Variants in ST6GALNAC1 observed in about 807,000 individuals in gnomAD.
ST6GALNAC1 encodes ST6 N-acetylgalactosaminide alpha-2,6-sialyltransferase 1.
Under a neutral mutation model 56.8 loss-of-function variants are expected in ST6GALNAC1, and 45 were observed. The ratio of observed to expected loss-of-function variants is 0.79; its 90% CI spans 0.62 to 1.02. The LOEUF (loss-of-function observed/expected upper bound fraction) is 1.02, where lower values mean the gene tolerates loss of function less well. Ranked by LOEUF, ST6GALNAC1 falls within the 50% of genes least tolerant of loss-of-function variation. The pLI is 0.00. For missense variants in ST6GALNAC1, 743 were observed against 754.8 expected (o/e 0.98, Z 0.18); for synonymous variants, 295 against 297.8 (o/e 0.99, Z 0.10).
At chr17:76,637,119 A>T (rs1427932330) in intron 1 of ST6GALNAC1, among the ~76,000 whole-genome samples, 1 of 152,012 alleles carries the variant, frequency 6.6e-6, no homozygotes, top group Non-Finnish European at 1.5e-5. Context: ...GTTCCCAGGG[A>T]CACAAACACT....
downstream of ST6GALNAC1, among the ~76,000 whole-genome samples, chr17:76,623,578 G>A (rs961576341): frequency 6.6e-6 from 1 of 151,942 alleles, no homozygotes; most frequent in African/African-American, 2.4e-5. Flanking sequence ...CTTGTAAATG[G>A]GTTTTCTCTA....
At chr17:76,642,240 C>A (rs1373929402) in intron 1 of ST6GALNAC1, among the ~76,000 whole-genome samples, 1 of 151,866 alleles carries the variant, frequency 6.6e-6, no homozygotes, top group East Asian at 1.9e-4. Context: ...ATCTATCTAT[C>A]TATCATCTAT....
rs140643510 is a variant in ST6GALNAC1 at position 76,627,350 on chromosome 17, G to GCTGCCTT, written c.1000+64_1000+65insAAGGCAG. Reference sequence around the variant, plus strand: ...AGGGAAGAGGCAGACCAGAAAGCCAGCTGCCCTCTGCCCTCTGCCCCGGCC... The same window carrying GCTGCCTT: ...AGGGAAGAGGCAGACCAGAAAGCCAGCTGCCTTCTGCCCTCTGCCCTCTGCCCCGGCC... On this transcript the variant is annotated intron_variant, in intron 3 of 8. Coordinates refer to ENST00000156626, the MANE Select transcript of ST6GALNAC1 (RefSeq NM_018414.5). The surrounding 1 kb of genome is among the most constrained non-coding windows in gnomAD (Gnocchi z 4.4). 0.067 allele frequency: 106,501 copies of GCTGCCTT among 1,589,854 alleles called. 4,046 individuals are homozygous for GCTGCCTT. Among genetic ancestry groups the GCTGCCTT allele is most frequent in the African/African-American group, 0.1 (7,444 of 74,278 alleles).
At chr17:76,625,573 C>T (rs762082331) in intron 8 of ST6GALNAC1, 46 bp from the exon 9 acceptor site, 10 of 1,598,994 alleles carry the variant, frequency 6.3e-6, no homozygotes, top group Middle Eastern at 2.1e-4. Context: ...TTGCTGTTGC[C>T]CAGGCTTCTT....
intron 1 of ST6GALNAC1, among the ~76,000 whole-genome samples, chr17:76,634,417 G>T (rs1217238613): frequency 1.3e-5 from 2 of 152,102 alleles, no homozygotes; most frequent in African/African-American, 4.8e-5. Context: ...ACCTTGAACT[G>T]CTCCTGCCTC....
intron 1 of ST6GALNAC1, among the ~76,000 whole-genome samples, chr17:76,632,942 A>G (rs955894076): frequency 2.0e-5 from 3 of 152,232 alleles, no homozygotes; most frequent in Admixed American, 2.0e-4. Flanking sequence ...GAGGTGGCTC[A>G]TGCCTATAGA....
In ST6GALNAC1 at chr17:76,627,915, G is replaced by C. The variant is rs1464554101; in HGVS notation, c.832-332C>G. Among the ~76,000 whole-genome samples, 3 of 151,972 alleles carry C rather than the reference G, an allele frequency of 2.0e-5. No homozygotes were observed. Among genetic ancestry groups the C allele is most frequent in the Non-Finnish European group, 2.9e-5 (2 of 68,002 alleles). ...GATCGAGACCATCCTGGCTAACACG[G>C]TGAAACCCCGTCTCTACTAAAAATA... On this transcript the variant is annotated intron_variant, in intron 2 of 8. Coordinates refer to ENST00000156626, the MANE Select transcript of ST6GALNAC1 (RefSeq NM_018414.5). The surrounding 1 kb of genome is among the most constrained non-coding windows in gnomAD (Gnocchi z 4.4).
chr17:76,639,451 C>T (rs2076017347), intron 1 of ST6GALNAC1, among the ~76,000 whole-genome samples: 1 of 152,048 alleles, frequency 6.6e-6, no homozygotes, highest in Non-Finnish European at 1.5e-5. Context: ...TGGCGTGCGT[C>T]TGTAGTCCCA....
rs2075789193 is a variant in ST6GALNAC1, at chr17:76,625,828, G to A, written c.1596C>T (p.Leu532=). ...GALLLLTALQ[L]CDQVSAYGFI... is the part of the protein sequence containing the mutation. ...TGCAGTGGAGCCTTACCTGGTCACA[G>A]AGCTGAAGGGCAGTGAGCAGCAGGA... The change falls in exon 8 of 9, where the codon CTC becomes CTT. Residue 532 remains leucine (L), a synonymous_variant. Transcript: ENST00000156626. The A allele has an allele frequency of 6.5e-7, 1 of 1,535,994 alleles. No homozygotes were observed.
At chr17:76,626,431 C>G in intron 5 of ST6GALNAC1, 39 bp from the exon 6 acceptor site, 2 of 1,600,456 alleles carry the variant, frequency 1.2e-6, no homozygotes, top group Non-Finnish European at 8.6e-7. Flanking sequence ...AAAGTACTGC[C>G]TTCAGGACCA....
chr17:76,623,657 A>G (rs1335875886), downstream of ST6GALNAC1, among the ~76,000 whole-genome samples: 3 of 152,218 alleles, frequency 2.0e-5, no homozygotes, highest in East Asian at 5.8e-4. Context: ...CCAATCTTAT[A>G]TCCTGCTAAC....
chr17:76,635,267 A>G (rs1329143028), intron 1 of ST6GALNAC1, among the ~76,000 whole-genome samples: 1 of 152,126 alleles, frequency 6.6e-6, no homozygotes, highest in East Asian at 1.9e-4. Context: ...CAGCTTCCAG[A>G]GCTCCCCCTG....
In ST6GALNAC1 at chr17:76,625,907, G is replaced by A. The variant is rs372411661; in HGVS notation, c.1517C>T (p.Ser506Phe). The change falls in exon 8 of 9, where the codon TCT becomes TTT. Residue 506 changes from serine to phenylalanine, a missense_variant. By Grantham distance (155) the Ser-to-Phe change is radical (BLOSUM62 -2). Transcript: ENST00000156626. ...CCAGTGGGCACCATCCAGGGTCTTA[G>A]ACCTCAGAAACCTGTGAAATGCCCC... ...LRYMKNRFLR[S>F]KTLDGAHWRI... 1.3e-6 allele frequency: 2 copies of A among 1,581,250 alleles called. No individual in the cohort carries two copies. The highest frequency in any genetic ancestry group is 1.7e-6 in the Non-Finnish European group (2 of 1,164,496).
rs565910852 is a variant in ST6GALNAC1 at position 76,634,883 on chromosome 17, C to CA, written c.132-5173dup. On this transcript the variant is annotated intron_variant, in intron 1 of 8. Transcript: ENST00000156626. ...TGAGTGATACAGCAAGACTCTGTCT[C>CA]AAAAAAAACAAAAACAAAAAACAAA... 1.6e-4 allele frequency among the ~76,000 whole-genome samples: 24 copies of CA among 151,298 alleles called. No individual in the cohort carries two copies. In the South Asian group the frequency reaches 1.9e-3, roughly 12 times the overall value.
chr17:76,630,517 T>C (rs541689077), intron 1 of ST6GALNAC1, among the ~76,000 whole-genome samples: 1 of 151,926 alleles, frequency 6.6e-6, no homozygotes, highest in African/African-American at 2.4e-5. Context: ...CCAAGGGTGT[T>C]AGGAAAGGGC....
chr17:76,625,719 T>A (rs1162566801), intron 8 of ST6GALNAC1, 100 bp downstream of exon 8: 1 of 1,199,978 alleles, frequency 8.3e-7, no homozygotes, highest in Non-Finnish European at 1.2e-6. Context: ...TCCCAGCAGA[T>A]GTGGGCACCC....
intron 1 of ST6GALNAC1, among the ~76,000 whole-genome samples, chr17:76,638,708 A>G (rs1000319731): frequency 3.3e-5 from 5 of 152,052 alleles, no homozygotes; most frequent in African/African-American, 9.7e-5. Context: ...CAGCCTCCCA[A>G]GTAGCTGGAA....
chr17:76,619,245 T>A, the ST6GALNAC1 span, among the ~76,000 whole-genome samples: 1 of 152,238 alleles, frequency 6.6e-6, no homozygotes. Flanking sequence ...AAGTCCTGGT[T>A]GCTTATAGTG....
At chr17:76,626,831 G>A (rs2075806939) in intron 4 of ST6GALNAC1, 42 bp from the exon 5 acceptor site, 1 of 1,610,222 alleles carries the variant, frequency 6.2e-7, no homozygotes, top group East Asian at 2.2e-5. Flanking sequence ...GTGAGCAGAG[G>A]AGGGAGATTT....
Sources: allele counts gnomAD v4.1 joint callset (sites outside exome capture counted in the v4.1 genomes callset), GRCh38; gene constraint gnomAD v4.1.1; non-coding constraint Gnocchi (gnomAD v3.1); transcripts MANE v1.5; gene names NCBI Gene and HGNC (gene_info 2026-07-23, HGNC 2026-07-21).